NRXN3: variants seen among roughly 807,000 people sequenced by gnomAD.
NRXN3 encodes the protein neurexin 3, also known as neurexin III.
A neutral mutation model predicts 137.6 loss-of-function variants in NRXN3; 32 were observed. The ratio of observed to expected loss-of-function variants is 0.23; its 90% confidence interval spans 0.18 to 0.31. The LOEUF (loss-of-function observed/expected upper bound fraction) is 0.31, where lower values mean the gene tolerates loss of function less well. Among genes scored for constraint, NRXN3 ranks in the 10% least tolerant of loss-of-function variants. The probability of loss-of-function intolerance (pLI) is 1.00; values close to 1 mark genes in which losing one functional copy is unlikely to be tolerated. For synonymous variants in NRXN3, 798 were observed against 784.5 expected (o/e 1.02, Z -0.29); for missense variants, 1,574 against 2,062.5 (o/e 0.76, Z 4.59).
At chr14:79,460,802 A>G (rs1408174771) in intron 15 of NRXN3, among the ~76,000 whole-genome samples, 2 of 152,314 alleles carry the variant, frequency 1.3e-5, no homozygotes, top group Non-Finnish European at 1.5e-5. Context: ...CTGTTAGGCA[A>G]TGTTGTCAGT....
intron 4 of NRXN3, among the ~76,000 whole-genome samples, chr14:78,544,623 C>T (rs781150231): frequency 7.9e-5 from 12 of 152,290 alleles, no homozygotes; most frequent in Middle Eastern, 6.8e-3. Context: ...ATAGAGGCTG[C>T]GTGACTTGAC....
intron 19 of NRXN3, among the ~76,000 whole-genome samples, chr14:79,795,565 G>T (rs2099158607): frequency 6.6e-6 from 1 of 152,028 alleles, no homozygotes; most frequent in Admixed American, 6.6e-5. Flanking sequence ...TTCCTTCATA[G>T]TTCTGTCTCA....
intron 19 of NRXN3, among the ~76,000 whole-genome samples, chr14:79,789,776 G>T (rs564549827): frequency 6.6e-6 from 1 of 152,318 alleles, no homozygotes; most frequent in East Asian, 1.9e-4. Context: ...TTTATCAGCA[G>T]GGTCTTTATG....
At chr14:79,809,326 A>C (rs916618772) in intron 20 of NRXN3, among the ~76,000 whole-genome samples, 2 of 152,170 alleles carry the variant, frequency 1.3e-5, no homozygotes, top group Non-Finnish European at 2.9e-5. Context: ...TTTGGTAGAG[A>C]CAGGGTTTCG....
chr14:78,918,285 C>CAAAAAAAAAAAAAAAAAAA (rs71454807), intron 10 of NRXN3, among the ~76,000 whole-genome samples: 2 of 34,656 alleles, frequency 5.8e-5, no homozygotes, highest in African/African-American at 1.3e-4. Flanking sequence ...AACTCCATCT[C>CAAAAAAAAAAAAAAAAAAA]AAAAAAAAAA....
intron 19 of NRXN3, among the ~76,000 whole-genome samples, chr14:79,795,087 C>T (rs1477091963): frequency 1.3e-5 from 2 of 152,200 alleles, no homozygotes; most frequent in East Asian, 3.9e-4. Flanking sequence ...GCTACATTTC[C>T]AACACCCATT....
At chr14:79,303,955 A>G (rs1013336767) in intron 15 of NRXN3, among the ~76,000 whole-genome samples, 5 of 152,098 alleles carry the variant, frequency 3.3e-5, no homozygotes, top group African/African-American at 1.2e-4. Flanking sequence ...TAGTGGCATC[A>G]GCAGCAACAA....
intron 6 of NRXN3, among the ~76,000 whole-genome samples, chr14:78,695,928 C>A (rs1467057190): frequency 6.6e-6 from 1 of 152,018 alleles, no homozygotes; most frequent in East Asian, 1.9e-4. Flanking sequence ...AATTGGGATG[C>A]AGATGTTTCT....
chr14:79,161,032 G>A (rs1226677051), intron 15 of NRXN3, among the ~76,000 whole-genome samples: 2 of 151,900 alleles, frequency 1.3e-5, no homozygotes, highest in Non-Finnish European at 2.9e-5. Flanking sequence ...TATTGCTAAG[G>A]GGATTATCAT....
intron 4 of NRXN3, among the ~76,000 whole-genome samples, chr14:78,457,026 C>T (rs1280152449): frequency 6.8e-6 from 1 of 146,822 alleles, no homozygotes; most frequent in African/African-American, 2.5e-5. Flanking sequence ...ATCTCCCTTC[C>T]CTCCCCCATC....
At chr14:79,840,831 A>G (rs552664036) in intron 20 of NRXN3, among the ~76,000 whole-genome samples, 129 of 152,320 alleles carry the variant, frequency 8.5e-4, no homozygotes, top group Non-Finnish European at 1.4e-3. Context: ...ATGTAATTAT[A>G]ATTTTTGTTT....
intron 15 of NRXN3, among the ~76,000 whole-genome samples, chr14:79,441,368 T>C (rs1020275077): frequency 6.0e-5 from 2 of 33,404 alleles, no homozygotes; most frequent in African/African-American, 1.3e-4. Context: ...CAGAAAATCT[T>C]TTTTTTTTTT....
chr14:78,665,242 G>T (rs1602109805), intron 6 of NRXN3, among the ~76,000 whole-genome samples: 1 of 152,156 alleles, frequency 6.6e-6, no homozygotes, highest in African/African-American at 2.4e-5. Context: ...CCTGAGACTG[G>T]GTAATTTATA....
intron 15 of NRXN3, among the ~76,000 whole-genome samples, chr14:79,035,308 C>T (rs113914834): frequency 6.6e-6 from 1 of 151,972 alleles, no homozygotes; most frequent in Non-Finnish European, 1.5e-5. Context: ...GAGGACTGTC[C>T]TTTTAATAGG....
intron 4 of NRXN3, among the ~76,000 whole-genome samples, chr14:78,613,904 A>G (rs1162427956): frequency 6.6e-6 from 1 of 152,192 alleles, no homozygotes. Context: ...ATCACGGAGA[A>G]CTCAAGCAAA....
intron 15 of NRXN3, among the ~76,000 whole-genome samples, chr14:79,460,112 A>G (rs1209650877): frequency 6.6e-6 from 1 of 152,180 alleles, no homozygotes; most frequent in Non-Finnish European, 1.5e-5. Flanking sequence ...CAGTGTGTCC[A>G]GAAACTATGT....
intron 15 of NRXN3, among the ~76,000 whole-genome samples, chr14:79,410,941 G>A (rs938185987): frequency 7.2e-5 from 11 of 151,990 alleles, no homozygotes; most frequent in Admixed American, 3.3e-4. Flanking sequence ...TACAGTTTTG[G>A]GGGGGAAGAT....
Position 78,702,673 on chromosome 14 carries a change from G to A in NRXN3, c.1222-6544G>A, listed in dbSNP as rs187457559. Among the ~76,000 whole-genome samples the A allele has an allele frequency of 2.6e-5, 4 of 151,996 alleles. No homozygotes were observed. In the East Asian group the frequency reaches 7.8e-4, roughly 30 times the overall value. On this transcript the variant is annotated intron_variant, in intron 6 of 20. Coordinates refer to ENST00000335750, the MANE Select transcript of NRXN3 (RefSeq NM_001330195.2). ...TGGCCATGCTGGTCTTGAACTCCTGGCCTCAAGTGATCCACCTGACTTGGC... is the reference window on the plus strand; with the variant it reads ...TGGCCATGCTGGTCTTGAACTCCTGACCTCAAGTGATCCACCTGACTTGGC...
At chr14:78,520,183 C>A (rs2096266515) in intron 4 of NRXN3, among the ~76,000 whole-genome samples, 1 of 152,164 alleles carries the variant, frequency 6.6e-6, no homozygotes, top group South Asian at 2.1e-4. Context: ...CTGCCAGGAC[C>A]TTGCCTTGGA....
Sources: allele counts gnomAD v4.1 joint callset (sites outside exome capture counted in the v4.1 genomes callset), GRCh38; gene constraint gnomAD v4.1.1; transcripts MANE v1.5; gene names NCBI Gene and HGNC (gene_info 2026-07-23, HGNC 2026-07-21).